Variants in SYN3 observed in about 807,000 individuals in gnomAD.
SYN3 encodes synapsin-3.
In SYN3, 35 loss-of-function variants were observed where a neutral mutation model predicts 65.8. The ratio of observed to expected loss-of-function variants is 0.53; its 90% CI spans 0.41 to 0.70. SYN3 has a LOEUF of 0.70. Among genes scored for constraint, SYN3 ranks in the 30% least tolerant of loss-of-function variants. SYN3 has a pLI of 0.00. For missense variants in SYN3, 680 were observed against 749.0 expected (o/e 0.91, Z 1.08); for synonymous variants, 270 against 292.9 (o/e 0.92, Z 0.80).
intron 9 of SYN3, among the ~76,000 whole-genome samples, chr22:32,535,659 A>G (rs1489397915): frequency 2.0e-5 from 3 of 152,144 alleles, no homozygotes; most frequent in African/African-American, 7.2e-5. Context: ...AGCTGTTTCC[A>G]GAGGCTGTTT....
chr22:32,566,102 T>C (rs5754151), intron 7 of SYN3, among the ~76,000 whole-genome samples: 66,975 of 151,840 alleles, frequency 0.44, 15,223 homozygotes, highest in African/African-American at 0.56. Context: ...TTGGGTCTCC[T>C]AAAGCACTGG....
chr22:32,910,404 C>T (rs764867126), intron 4 of SYN3, among the ~76,000 whole-genome samples: 3 of 152,056 alleles, frequency 2.0e-5, no homozygotes, highest in African/African-American at 7.2e-5. Context: ...GAACAGGGTT[C>T]GAGAACCACA....
chr22:32,953,114 C>T (rs1355344473), intron 3 of SYN3, among the ~76,000 whole-genome samples: 1 of 152,170 alleles, frequency 6.6e-6, no homozygotes, highest in African/African-American at 2.4e-5. Context: ...GGGTATTAGC[C>T]TCCTCATAGT....
chr22:32,991,112 G>A (rs2052700972), intron 2 of SYN3, among the ~76,000 whole-genome samples: 1 of 152,084 alleles, frequency 6.6e-6, no homozygotes, highest in Non-Finnish European at 1.5e-5. Context: ...GAACCCAGGA[G>A]GCAGAGGTTG....
chr22:32,618,869 C>T (rs966643743), intron 6 of SYN3, among the ~76,000 whole-genome samples: 1 of 152,180 alleles, frequency 6.6e-6, no homozygotes, highest in African/African-American at 2.4e-5. Context: ...GATGGAGGAC[C>T]TTGGGCCCCC....
chr22:33,043,322 CG>C (rs1188894918), intron 1 of SYN3, among the ~76,000 whole-genome samples: 2 of 152,084 alleles, frequency 1.3e-5, no homozygotes, highest in Admixed American at 6.5e-5. Flanking sequence ...CCGAGGTGGG[CG>C]GATCACCTGA....
At chr22:32,554,972 ATGC>A (rs2058472513) in intron 7 of SYN3, among the ~76,000 whole-genome samples, 1 of 152,232 alleles carries the variant, frequency 6.6e-6, no homozygotes, top group African/African-American at 2.4e-5. Context: ...CTACATGTAA[ATGC>A]ACTAAAAGAG....
chr22:32,938,521 C>A, intron 3 of SYN3, among the ~76,000 whole-genome samples: 1 of 145,480 alleles, frequency 6.9e-6, no homozygotes, highest in African/African-American at 2.6e-5. Context: ...CAGAGTGAGA[C>A]TCTGTCTCAG....
chr22:32,637,241 T>A (rs1361770706), intron 6 of SYN3, among the ~76,000 whole-genome samples: 1 of 152,186 alleles, frequency 6.6e-6, no homozygotes, highest in Non-Finnish European at 1.5e-5. Flanking sequence ...ACACTCCTGC[T>A]TGCTAGCTGT....
chr22:32,649,477 A>G (rs1423278175), intron 6 of SYN3, among the ~76,000 whole-genome samples: 1 of 152,212 alleles, frequency 6.6e-6, no homozygotes, highest in African/African-American at 2.4e-5. Flanking sequence ...TAATGAGGAA[A>G]TTGAGACTTT....
chr22:32,897,798 A>G (rs2049637851), intron 4 of SYN3, among the ~76,000 whole-genome samples: 1 of 152,180 alleles, frequency 6.6e-6, no homozygotes, highest in African/African-American at 2.4e-5. Context: ...TTGTTTTGTG[A>G]TTTTTGAGCA....
chr22:32,535,220 C>T (rs1601586492), intron 9 of SYN3, among the ~76,000 whole-genome samples: 1 of 152,142 alleles, frequency 6.6e-6, no homozygotes, highest in South Asian at 2.1e-4. Context: ...TGCCCCAGCC[C>T]ATCCATTCTC....
chr22:32,682,931 C>T (rs1242267144), intron 6 of SYN3, among the ~76,000 whole-genome samples: 2 of 152,108 alleles, frequency 1.3e-5, no homozygotes, highest in Non-Finnish European at 2.9e-5. Context: ...GTGACACATT[C>T]CGTTAAGAAT....
chr22:32,605,063 C>T (rs942715935), intron 6 of SYN3, among the ~76,000 whole-genome samples: 7 of 148,216 alleles, frequency 4.7e-5, no homozygotes, highest in Non-Finnish European at 1.0e-4. Context: ...CTGTCTGTTT[C>T]TCCACTCCCC....
chr22:32,829,294 C>G (rs1340972950), intron 6 of SYN3, among the ~76,000 whole-genome samples: 2 of 152,226 alleles, frequency 1.3e-5, no homozygotes, highest in Non-Finnish European at 2.9e-5. Flanking sequence ...ATTGCTCCCC[C>G]AGCTTACTGT....
intron 6 of SYN3, among the ~76,000 whole-genome samples, chr22:32,687,688 C>T (rs958494272): frequency 6.6e-6 from 1 of 152,132 alleles, no homozygotes; most frequent in Non-Finnish European, 1.5e-5. Flanking sequence ...GTATCACTCT[C>T]CCCCTTACTA....
intron 3 of SYN3, among the ~76,000 whole-genome samples, chr22:32,949,720 T>G (rs755344366): frequency 1.3e-5 from 2 of 152,176 alleles, no homozygotes; most frequent in Non-Finnish European, 2.9e-5. Flanking sequence ...TAATTGCATT[T>G]GCGATGATAA....
rs1218149648 is a variant in SYN3, at chr22:32,512,406, TC to T, written c.*1285del. ...GGCTGCTTCTGGCACCTACAATGTT[TC>T]CAGCACCAGGTGCTTGGTGATTTGG... On this transcript the variant is annotated 3_prime_UTR_variant, in exon 14 of 14. Transcript: ENST00000358763. 6.6e-6 allele frequency: 1 copy of T among 152,274 alleles called. No individual in the cohort carries two copies. Among genetic ancestry groups the T allele is most frequent in the African/African-American group, 2.4e-5 (1 of 41,468 alleles). The allele number at this position is 152,274 out of a possible 1,614,324, so 9.4% of individuals were successfully genotyped here. A position where few individuals can be genotyped will look rare whatever the true frequency, so the allele number is the denominator to read the frequency against.
chr22:32,892,686 C>T (rs1055517207), intron 4 of SYN3, among the ~76,000 whole-genome samples: 1 of 152,134 alleles, frequency 6.6e-6, no homozygotes, highest in Non-Finnish European at 1.5e-5. Flanking sequence ...ACCACAGCCA[C>T]CCACAGCCCC....
Sources: gnomAD v4.1 joint callset for allele counts (sites outside exome capture counted in the v4.1 genomes callset) on GRCh38, gnomAD v4.1.1 for gene constraint, MANE v1.5 for transcripts, NCBI Gene and HGNC (gene_info 2026-07-23, HGNC 2026-07-21) for gene names.